The following CACNA2D4 variants were observed in gnomAD, a reference collection of about 807,000 sequenced individuals.
CACNA2D4 encodes the protein voltage-dependent calcium channel subunit alpha-2/delta-4.
In CACNA2D4, 157 loss-of-function variants were observed where a neutral mutation model predicts 163.8. That is an observed-to-expected ratio of 0.96 (90% CI 0.84 to 1.09). The LOEUF (loss-of-function observed/expected upper bound fraction) is 1.09, where lower values mean the gene tolerates loss of function less well. Among genes scored for constraint, CACNA2D4 ranks in the 50% least tolerant of loss-of-function variants. The pLI is 0.00. For synonymous variants in CACNA2D4, 598 were observed against 586.9 expected (o/e 1.02, Z -0.27); for missense variants, 1,410 against 1,479.9 (o/e 0.95, Z 0.78).
At chr12:1,886,164 A>G in intron 8 of CACNA2D4, 59 bp downstream of exon 8, 1 of 1,590,898 alleles carries the variant, frequency 6.3e-7, no homozygotes, top group Non-Finnish European at 8.6e-7. Context: ...TCACCTTGGT[A>G]CCTGTGTATG....
At chr12:1,811,901 G>T in intron 26 of CACNA2D4, 178 bp from the exon 27 acceptor site, 1 of 597,772 alleles carries the variant, frequency 1.7e-6, no homozygotes, top group Non-Finnish European at 3.0e-6. Flanking sequence ...GGGAGGGGTG[G>T]GGGAAGAACA....
At chr12:1,881,332 G>A (rs1865991513) in intron 13 of CACNA2D4, among the ~76,000 whole-genome samples, 1 of 152,252 alleles carries the variant, frequency 6.6e-6, no homozygotes, top group East Asian at 1.9e-4. Flanking sequence ...GCAGCACACA[G>A]GGAACCTGGG....
At position 1,913,101 on chromosome 12, in the gene CACNA2D4, C is replaced by G. The variant is rs1866874632; in HGVS notation, c.348G>C (p.Glu116Asp). 1.2e-6 allele frequency: 2 copies of G among 1,613,878 alleles called. No homozygotes were observed. The highest frequency in any genetic ancestry group is 1.7e-6 in the Non-Finnish European group (2 of 1,179,770). ...TCCTCACCAGCTCCAAGCCATCCAC[C>G]TCCTCGATCTTCAGACTGGACTCCA... ...KDVESSLKIE[E>D]VDGLELVRKF... The change falls in exon 3 of 38, where the codon GAG becomes GAC. Residue 116 changes from glutamate to aspartate, a missense_variant. Transcript: ENST00000382722.
chr12:1,893,131 G>A (rs1033070411), intron 6 of CACNA2D4, among the ~76,000 whole-genome samples: 1 of 152,158 alleles, frequency 6.6e-6, no homozygotes, highest in Admixed American at 6.5e-5. Flanking sequence ...CTGCACATTT[G>A]ACTAAATGGA....
chr12:1,811,836 G>A (rs1863722703), intron 26 of CACNA2D4, 113 bp from the exon 27 acceptor site: 4 of 1,040,712 alleles, frequency 3.8e-6, no homozygotes, highest in Non-Finnish European at 5.8e-6. Flanking sequence ...AGAGACCGCA[G>A]CGGATGGGAG....
chr12:1,849,767 G>A (rs1490366877), intron 23 of CACNA2D4, among the ~76,000 whole-genome samples: 2 of 152,114 alleles, frequency 1.3e-5, no homozygotes, highest in Non-Finnish European at 2.9e-5. Context: ...ATATACGCAT[G>A]TACATTTATA....
intron 19 of CACNA2D4, among the ~76,000 whole-genome samples, 160 bp downstream of exon 19, chr12:1,859,985 C>T (rs1174240386): frequency 6.6e-6 from 1 of 152,222 alleles, no homozygotes; most frequent in Non-Finnish European, 1.5e-5. Context: ...GGCTCTGGAA[C>T]CTGCATTCTA....
chr12:1,878,681 C>A lies in CACNA2D4; in HGVS notation c.1644+275G>T, dbSNP rs1865931181. 6.6e-6 allele frequency among the ~76,000 whole-genome samples: 1 copy of A among 152,244 alleles called. No homozygotes were observed. Among genetic ancestry groups the A allele is most frequent in the Non-Finnish European group, 1.5e-5 (1 of 68,048 alleles). On this transcript the variant is annotated intron_variant, in intron 15 of 37. Coordinates refer to ENST00000382722, the MANE Select transcript of CACNA2D4 (RefSeq NM_172364.5). This position sits in a 1 kb window ranked among gnomAD's most constrained non-coding sequence, Gnocchi z 4.6. ...AATCTCACTCACCCTTACAGCAGGACTGTGTGGCACGGAGGAGCAGACTGA... is the reference window on the plus strand; with the variant it reads ...AATCTCACTCACCCTTACAGCAGGAATGTGTGGCACGGAGGAGCAGACTGA...
intron 6 of CACNA2D4, among the ~76,000 whole-genome samples, chr12:1,890,091 C>G (rs1294762536): frequency 1.3e-5 from 2 of 152,148 alleles, no homozygotes; most frequent in Non-Finnish European, 2.9e-5. Context: ...GAGAGACCCC[C>G]AGCAGTCCAC....
At chr12:1,826,603 C>T (rs916211445) in intron 26 of CACNA2D4, among the ~76,000 whole-genome samples, 21 of 152,344 alleles carry the variant, frequency 1.4e-4, no homozygotes, top group Admixed American at 5.9e-4. Context: ...CCTCTGCCAA[C>T]GCCTGCGGGG....
intron 20 of CACNA2D4, among the ~76,000 whole-genome samples, chr12:1,857,533 G>C (rs1481643121): frequency 6.6e-6 from 1 of 152,186 alleles, no homozygotes; most frequent in Non-Finnish European, 1.5e-5. Context: ...AGGGTGATGA[G>C]ATGTACTCAG....
Position 1,809,743 on chromosome 12 carries a change from G to A in CACNA2D4, c.2721+535C>T, listed in dbSNP as rs567688301. Among the ~76,000 whole-genome samples, 7 of 152,346 alleles carry A rather than the reference G, an allele frequency of 4.6e-5. No individual in the cohort carries two copies. The East Asian group carries it at 1.2e-3, about 25-fold the overall frequency. ...CCAGGCATTCAGGCGAGAAAGCATC[G>A]CGTCCATCCCCCATTTCTTCTCTGA... On this transcript the variant is annotated intron_variant, in intron 29 of 37. Transcript: ENST00000382722.
At chr12:1,873,678 A>G (rs915729144) in intron 18 of CACNA2D4, among the ~76,000 whole-genome samples, 13 of 152,160 alleles carry the variant, frequency 8.5e-5, no homozygotes, top group African/African-American at 3.1e-4. Flanking sequence ...TGCCTGTGGA[A>G]GAAGCCTCTG....
At chr12:1,914,579 C>G (rs1866915341) in intron 2 of CACNA2D4, among the ~76,000 whole-genome samples, 1 of 152,202 alleles carries the variant, frequency 6.6e-6, no homozygotes, top group Admixed American at 6.5e-5. Context: ...ATTCTTCACC[C>G]CACCTCCACC....
In CACNA2D4 at chr12:1,886,262, C is replaced by T. The variant is rs752700351; in HGVS notation, c.954G>A (p.Leu318=). ...TIAKHTITTI[L]DTLGENDFIN... is the part of the protein sequence containing the mutation. The stretch of plus-strand genomic sequence containing the variant: ...TGAAGTCATTCTCCCCCAGGGTGTC[C>T]AAGATGGTGGTGATGGTGTGCTTGG... Residue 318 remains leucine, a synonymous_variant, in exon 8 of 38, where the codon TTG becomes TTA. Transcript: ENST00000382722. 4.1e-5 allele frequency: 66 copies of T among 1,613,498 alleles called. No homozygotes were observed. Among genetic ancestry groups the T allele is most frequent in the Non-Finnish European group, 5.4e-5 (64 of 1,179,624 alleles).
intron 23 of CACNA2D4, among the ~76,000 whole-genome samples, chr12:1,853,703 T>C (rs1241385545): frequency 1.3e-5 from 2 of 152,210 alleles, no homozygotes; most frequent in African/African-American, 4.8e-5. Flanking sequence ...GAACTGCTCT[T>C]TGGCCAGGGG....
rs751381663 is a variant in CACNA2D4 at position 1,834,735 on chromosome 12, C to T, written c.2551+6004G>A. The T allele has an allele frequency of 1.2e-5, 19 of 1,573,214 alleles. No individual in the cohort carries two copies. The highest frequency in any genetic ancestry group is 3.4e-5 in the Admixed American group (2 of 58,194). Reference sequence around the variant, plus strand: ...TCTGTGGCCTGAGCGCCCATCCCCACCCGGCCAGGTAGGAAGGGCGGGGAG... The same window carrying T: ...TCTGTGGCCTGAGCGCCCATCCCCATCCGGCCAGGTAGGAAGGGCGGGGAG... On this transcript the variant is annotated intron_variant, in intron 26 of 37. Coordinates refer to ENST00000382722, the MANE Select transcript of CACNA2D4 (RefSeq NM_172364.5). The surrounding 1 kb of genome is among the most constrained non-coding windows in gnomAD (Gnocchi z 7.6).
intron 26 of CACNA2D4, among the ~76,000 whole-genome samples, chr12:1,840,293 C>T (rs989429422): frequency 1.5e-4 from 22 of 148,686 alleles, no homozygotes; most frequent in Admixed American, 5.3e-4. Flanking sequence ...TGCCCGCCAG[C>T]CTTTCTTTCA....
Position 1,882,928 on chromosome 12 carries a change from C to T in CACNA2D4, c.1424G>A (p.Arg475His). The change falls in exon 13 of 38, where the codon CGC (arginine) becomes CAC (histidine). Residue 475 changes from arginine (R) to histidine (H), a missense_variant. Physicochemically the swap from Arg to His is conservative, Grantham distance 29 (BLOSUM62 0). Coordinates refer to ENST00000382722, the MANE Select transcript of CACNA2D4 (RefSeq NM_172364.5). ...GTGGTCGTGGTTGATGACCATGGGG[C>T]GGCTGAGCACGTGCAGGTATTCCAT... ...NVMEYLHVLS[R>H]PMVINHDHDI... The T allele has an allele frequency of 3.7e-6, 6 of 1,613,586 alleles. No homozygotes were observed. Among genetic ancestry groups the T allele is most frequent in the South Asian group, 1.1e-5 (1 of 90,950 alleles).
Sources: allele counts gnomAD v4.1 joint callset (sites outside exome capture counted in the v4.1 genomes callset), GRCh38; gene constraint gnomAD v4.1.1; non-coding constraint Gnocchi (gnomAD v3.1); transcripts MANE v1.5; gene names NCBI Gene and HGNC (gene_info 2026-07-23, HGNC 2026-07-21).